The following RBMS3 variants were observed in gnomAD, a reference collection of about 807,000 sequenced individuals.
The protein encoded by RBMS3 is RNA binding motif single stranded interacting protein 3.
RBMS3 carries 27 observed loss-of-function variants against 66.8 expected under a neutral mutation model. That is an observed-to-expected ratio of 0.40 (90% CI 0.30 to 0.56). The LOEUF (loss-of-function observed/expected upper bound fraction) is 0.56, where lower values mean the gene tolerates loss of function less well. Among genes scored for constraint, RBMS3 ranks in the 20% least tolerant of loss-of-function variants. The probability of loss-of-function intolerance (pLI) is 0.40; values close to 1 mark genes in which losing one functional copy is unlikely to be tolerated. For missense variants in RBMS3, 513 were observed against 549.5 expected, an observed-to-expected ratio of 0.93 and a Z score of 0.66; for synonymous variants, 188 against 183.0, an observed-to-expected ratio of 1.03 and a Z score of -0.22.
chr3:29,407,700 G>C (rs2040083913), intron 1 of RBMS3, among the ~76,000 whole-genome samples: 1 of 151,988 alleles, frequency 6.6e-6, no homozygotes, highest in African/African-American at 2.4e-5. Context: ...CATTACACTT[G>C]CTTCTGTGGC....
intron 3 of RBMS3, among the ~76,000 whole-genome samples, chr3:29,579,338 T>A (rs929653363): frequency 7.9e-5 from 12 of 152,042 alleles, no homozygotes; most frequent in Admixed American, 7.9e-4. Flanking sequence ...TGAATATGGA[T>A]TAAAGTACCT....
At chr3:29,354,709 C>A (rs2037118506) in intron 1 of RBMS3, among the ~76,000 whole-genome samples, 1 of 152,108 alleles carries the variant, frequency 6.6e-6, no homozygotes, top group African/African-American at 2.4e-5. Flanking sequence ...GAACATGACA[C>A]ATTCATTGCC....
intron 1 of RBMS3, among the ~76,000 whole-genome samples, 178 bp from the exon 2 acceptor site, chr3:29,434,565 G>T (rs1197620932): frequency 6.6e-6 from 1 of 152,084 alleles, no homozygotes; most frequent in Non-Finnish European, 1.5e-5. Flanking sequence ...TGAATGGAGG[G>T]CCAGGGCGGG....
intron 3 of RBMS3, among the ~76,000 whole-genome samples, chr3:29,528,042 T>C (rs1162780552): frequency 1.3e-5 from 2 of 151,084 alleles, no homozygotes; most frequent in African/African-American, 4.9e-5. Context: ...TAAAGAAGCA[T>C]AAACAAATCA....
At chr3:29,708,584 G>C (rs185529009) in intron 4 of RBMS3, among the ~76,000 whole-genome samples, 2 of 152,242 alleles carry the variant, frequency 1.3e-5, no homozygotes, top group Non-Finnish European at 2.9e-5. Context: ...TCCTGGATTT[G>C]ATATTCCCAC....
At chr3:29,289,842 A>G (rs922458990) in intron 1 of RBMS3, among the ~76,000 whole-genome samples, 1 of 151,898 alleles carries the variant, frequency 6.6e-6, no homozygotes, top group Non-Finnish European at 1.5e-5. Flanking sequence ...AAATTGGCAT[A>G]TATTACATTC....
At chr3:29,996,278 G>A (rs1395121443) in intron 14 of RBMS3, among the ~76,000 whole-genome samples, 1 of 151,810 alleles carries the variant, frequency 6.6e-6, no homozygotes, top group Non-Finnish European at 1.5e-5. Flanking sequence ...CAAGTCCTTA[G>A]TGACCTACAA....
intron 6 of RBMS3, among the ~76,000 whole-genome samples, chr3:29,815,911 G>A (rs1315030331): frequency 2.0e-5 from 3 of 150,174 alleles, no homozygotes; most frequent in African/African-American, 7.4e-5. Flanking sequence ...TAACCGAAAA[G>A]CACCTGTACT....
At chr3:29,546,908 C>T (rs183460551) in intron 3 of RBMS3, among the ~76,000 whole-genome samples, 248 of 152,172 alleles carry the variant, frequency 1.6e-3, no homozygotes, top group African/African-American at 5.3e-3. Flanking sequence ...AAATGTCTTC[C>T]GGTAACAACA....
intron 5 of RBMS3, among the ~76,000 whole-genome samples, chr3:29,753,264 G>A (rs150062015): frequency 1.3e-5 from 2 of 152,138 alleles, no homozygotes; most frequent in African/African-American, 4.8e-5. Context: ...AAAATTGAAC[G>A]ATCCCACTTT....
chr3:29,819,723 C>T (rs1416297923), intron 6 of RBMS3, among the ~76,000 whole-genome samples: 1 of 152,060 alleles, frequency 6.6e-6, no homozygotes, highest in Non-Finnish European at 1.5e-5. Context: ...CTCTGTGGTA[C>T]TGTATTGACT....
At chr3:29,949,853 T>C (rs1271819693) in intron 12 of RBMS3, among the ~76,000 whole-genome samples, 1 of 151,794 alleles carries the variant, frequency 6.6e-6, no homozygotes, top group Non-Finnish European at 1.5e-5. Context: ...CTGTTTATTA[T>C]CCTCTTGGCA....
At chr3:29,366,309 T>C (rs13085774) in intron 1 of RBMS3, among the ~76,000 whole-genome samples, 25,893 of 152,184 alleles carry the variant, frequency 0.17, 2,267 homozygotes, top group Middle Eastern at 0.24. Context: ...TAGATCTAGA[T>C]TGATCAATTT....
intron 1 of RBMS3, among the ~76,000 whole-genome samples, chr3:29,338,558 G>C (rs2036086870): frequency 6.6e-6 from 1 of 152,052 alleles, no homozygotes; most frequent in Non-Finnish European, 1.5e-5. Context: ...AACACAGTGG[G>C]TGGAGTCCAG....
At chr3:29,829,730 C>T (rs761252959) in intron 6 of RBMS3, among the ~76,000 whole-genome samples, 1 of 152,298 alleles carries the variant, frequency 6.6e-6, no homozygotes, top group South Asian at 2.1e-4. Context: ...ATTCCTATCA[C>T]ATTCCCTATT....
chr3:29,697,936 C>T (rs568051124), intron 4 of RBMS3, among the ~76,000 whole-genome samples: 10 of 152,308 alleles, frequency 6.6e-5, no homozygotes, highest in Admixed American at 3.9e-4. Context: ...TACTCTCCTG[C>T]CTGATATGCT....
intron 6 of RBMS3, among the ~76,000 whole-genome samples, chr3:29,768,806 A>C (rs940648814): frequency 3.9e-5 from 6 of 152,014 alleles, no homozygotes; most frequent in Admixed American, 3.3e-4. Flanking sequence ...CAGTGGTCAC[A>C]AGCTCAATGA....
At chr3:29,725,850 C>A (rs1365812783) in intron 4 of RBMS3, among the ~76,000 whole-genome samples, 1 of 152,164 alleles carries the variant, frequency 6.6e-6, no homozygotes, top group Non-Finnish European at 1.5e-5. Context: ...TCCTCCCTAA[C>A]TCACCCTATG....
At chr3:29,747,278 TA>T (rs1418715817) in intron 5 of RBMS3, among the ~76,000 whole-genome samples, 1 of 152,194 alleles carries the variant, frequency 6.6e-6, no homozygotes, top group Non-Finnish European at 1.5e-5. Flanking sequence ...TAACTTAGCT[TA>T]CATCTTAGTT....
Sources: gnomAD v4.1 joint callset for allele counts (sites outside exome capture counted in the v4.1 genomes callset) on GRCh38, gnomAD v4.1.1 for gene constraint, MANE v1.5 for transcripts, NCBI Gene and HGNC (gene_info 2026-07-23, HGNC 2026-07-21) for gene names.